SPRR2G: variants seen among roughly 807,000 people sequenced by gnomAD.
SPRR2G encodes small proline-rich protein 2G.
In SPRR2G, 1 loss-of-function variant was observed where a neutral mutation model predicts 0.7. The observed-to-expected ratio is 1.49, with a 90% CI of 0.53 to 7.06. SPRR2G has a LOEUF of 7.06. Among genes scored for constraint, SPRR2G ranks in the 30% most tolerant of loss-of-function variants. SPRR2G has a pLI of 0.14. For missense variants in SPRR2G, 96 were observed against 88.5 expected (o/e 1.09, Z -0.34); for synonymous variants, 38 against 33.9 (o/e 1.12, Z -0.42).
chr1:153,186,043 C>T, the SPRR2G span, among the ~76,000 whole-genome samples: 6 of 152,206 alleles, frequency 3.9e-5, no homozygotes, highest in South Asian at 1.2e-3. Flanking sequence ...TTTCTTAATC[C>T]TGACTTTTAA....
upstream of SPRR2G, among the ~76,000 whole-genome samples, chr1:153,152,756 C>T (rs73022389): frequency 8.0e-3 from 1,224 of 152,292 alleles, 19 homozygotes; most frequent in African/African-American, 0.028. Flanking sequence ...CTGATGCATG[C>T]TGAAGAATTA....
chr1:153,181,562 AC>A, the SPRR2G span, among the ~76,000 whole-genome samples: 2 of 151,682 alleles, frequency 1.3e-5, no homozygotes, highest in Non-Finnish European at 2.9e-5. Context: ...ATCCCCCACA[AC>A]CCCATGCACA....
At chr1:153,191,529 AAGT>A in the SPRR2G span, 3 of 152,264 alleles carry the variant, frequency 2.0e-5, no homozygotes, top group African/African-American at 7.2e-5. Flanking sequence ...CATTTTACAT[AAGT>A]AGATATTGCA....
the SPRR2G span, among the ~76,000 whole-genome samples, chr1:153,199,380 T>C: frequency 6.6e-6 from 1 of 152,150 alleles, no homozygotes; most frequent in Non-Finnish European, 1.5e-5. Context: ...ACTAAAGAAC[T>C]GTGGCCAACA....
At chr1:153,159,409 C>T in the SPRR2G span, among the ~76,000 whole-genome samples, 1 of 152,304 alleles carries the variant, frequency 6.6e-6, no homozygotes, top group South Asian at 2.1e-4. Flanking sequence ...CTTCATTGTC[C>T]ATATCTCTAT....
the SPRR2G span, among the ~76,000 whole-genome samples, chr1:153,197,374 C>A: frequency 6.6e-6 from 1 of 152,060 alleles, no homozygotes; most frequent in Non-Finnish European, 1.5e-5. Context: ...CCTGGAATCT[C>A]TGGGCCTCAT....
At chr1:153,182,267 G>T in the SPRR2G span, among the ~76,000 whole-genome samples, 1 of 151,592 alleles carries the variant, frequency 6.6e-6, no homozygotes, top group Non-Finnish European at 1.5e-5. Flanking sequence ...AGGATTGTTT[G>T]GTTTTTTGCT....
At chr1:153,182,692 T>C in the SPRR2G span, among the ~76,000 whole-genome samples, 1 of 152,178 alleles carries the variant, frequency 6.6e-6, no homozygotes, top group Middle Eastern at 3.2e-3. Context: ...ATTTCCAGCT[T>C]CATCCATGTC....
At chr1:153,191,151 C>T in the SPRR2G span, 1 of 152,260 alleles carries the variant, frequency 6.6e-6, no homozygotes, top group Non-Finnish European at 1.5e-5. Flanking sequence ...CCTCCAGACC[C>T]ACCTCTACAT....
the SPRR2G span, among the ~76,000 whole-genome samples, chr1:153,174,291 C>T: frequency 6.6e-6 from 1 of 152,172 alleles, no homozygotes; most frequent in African/African-American, 2.4e-5. Flanking sequence ...CAAAAGCTCA[C>T]TCTGACTGAT....
the SPRR2G span, among the ~76,000 whole-genome samples, chr1:153,158,462 A>G: frequency 6.6e-6 from 1 of 152,200 alleles, no homozygotes; most frequent in Admixed American, 6.5e-5. Flanking sequence ...GTAAGTTTCC[A>G]TGGTCTTTGG....
At chr1:153,195,588 A>G in the SPRR2G span, among the ~76,000 whole-genome samples, 1 of 152,218 alleles carries the variant, frequency 6.6e-6, no homozygotes, top group Non-Finnish European at 1.5e-5. Context: ...CTTAAGTAGC[A>G]AGGATGATCG....
At chr1:153,177,269 G>C in the SPRR2G span, among the ~76,000 whole-genome samples, 1 of 152,236 alleles carries the variant, frequency 6.6e-6, no homozygotes, top group East Asian at 1.9e-4. Context: ...TGGACATTTA[G>C]GTTATTACAA....
At chr1:153,189,044 C>T in the SPRR2G span, among the ~76,000 whole-genome samples, 2 of 152,202 alleles carry the variant, frequency 1.3e-5, no homozygotes, top group Admixed American at 1.3e-4. Context: ...CAGAAATCAC[C>T]TGCCTTCTGC....
the SPRR2G span, among the ~76,000 whole-genome samples, chr1:153,196,444 T>A: frequency 1.3e-5 from 2 of 152,256 alleles, no homozygotes; most frequent in Admixed American, 1.3e-4. Flanking sequence ...TACCACATTT[T>A]CTTCATTCAT....
At chr1:153,200,782 C>T in the SPRR2G span, among the ~76,000 whole-genome samples, 1 of 151,416 alleles carries the variant, frequency 6.6e-6, no homozygotes, top group East Asian at 1.9e-4. Flanking sequence ...TCACTGCAAC[C>T]TTTGCCTCCC....
chr1:153,156,561 A>G, the SPRR2G span, among the ~76,000 whole-genome samples: 1 of 152,206 alleles, frequency 6.6e-6, no homozygotes, highest in South Asian at 2.1e-4. Context: ...ATTTGGTAAG[A>G]GCAGTACATT....
chr1:153,200,949 G>A, the SPRR2G span, among the ~76,000 whole-genome samples: 7 of 152,118 alleles, frequency 4.6e-5, no homozygotes, highest in East Asian at 9.7e-4. Flanking sequence ...CTCGTGATCC[G>A]CCCACCTCAG....
chr1:153,198,443 A>G, the SPRR2G span, among the ~76,000 whole-genome samples: 1 of 152,244 alleles, frequency 6.6e-6, no homozygotes, highest in South Asian at 2.1e-4. Context: ...TGATGATGCC[A>G]CAATAAAGGC....
Sources: allele counts gnomAD v4.1 joint callset (sites outside exome capture counted in the v4.1 genomes callset), GRCh38; gene constraint gnomAD v4.1.1; transcripts MANE v1.5; gene names NCBI Gene and HGNC (gene_info 2026-07-23, HGNC 2026-07-21).